CACNA2D1: variants seen among roughly 807,000 people sequenced by gnomAD.
CACNA2D1 encodes voltage-dependent calcium channel subunit alpha-2/delta-1.
Under a neutral mutation model 171.5 loss-of-function variants are expected in CACNA2D1, and 53 were observed. The ratio of observed to expected loss-of-function variants is 0.31; its 90% CI spans 0.25 to 0.39. The LOEUF (loss-of-function observed/expected upper bound fraction) is 0.39, where lower values mean the gene tolerates loss of function less well. CACNA2D1 is among the 10% of genes least tolerant of loss of function. The pLI is 1.00. For synonymous variants in CACNA2D1, 442 were observed against 443.1 expected (o/e 1.00, Z 0.03); for missense variants, 903 against 1,299.8 (o/e 0.69, Z 4.69).
chr7:82,093,051 C>T (rs1164396727), intron 6 of CACNA2D1, among the ~76,000 whole-genome samples: 1 of 151,646 alleles, frequency 6.6e-6, no homozygotes, highest in Non-Finnish European at 1.5e-5. Flanking sequence ...CTGGTGAGGC[C>T]TTTTTCTAAG....
chr7:82,234,239 T>C (rs1803287547), intron 3 of CACNA2D1, among the ~76,000 whole-genome samples: 1 of 152,102 alleles, frequency 6.6e-6, no homozygotes, highest in Non-Finnish European at 1.5e-5. Flanking sequence ...GTAATGAAAA[T>C]GTTAGGATTT....
At chr7:82,239,996 T>C (rs545516330) in intron 3 of CACNA2D1, among the ~76,000 whole-genome samples, 2 of 152,330 alleles carry the variant, frequency 1.3e-5, no homozygotes, top group South Asian at 4.1e-4. Flanking sequence ...CAATAAATAA[T>C]GTAGATGCTA....
chr7:82,363,232 C>T (rs1821277904), intron 1 of CACNA2D1, among the ~76,000 whole-genome samples: 1 of 138,366 alleles, frequency 7.2e-6, no homozygotes, highest in Admixed American at 7.0e-5. Context: ...CATCTGACTA[C>T]CATAGTTTTA....
intron 1 of CACNA2D1, among the ~76,000 whole-genome samples, chr7:82,351,284 T>C (rs1029884464): frequency 6.6e-5 from 10 of 151,374 alleles, no homozygotes; most frequent in African/African-American, 2.2e-4. Context: ...GTAGTATAAA[T>C]ATATATTTTT....
At chr7:82,161,070 T>G (rs750975033) in intron 4 of CACNA2D1, among the ~76,000 whole-genome samples, 22 of 152,028 alleles carry the variant, frequency 1.4e-4, no homozygotes, top group Non-Finnish European at 1.0e-4. Context: ...CTAGGTTTGA[T>G]GGGCAAGTAG....
chr7:82,172,187 TTGTACCACA>T (rs1796087290), intron 3 of CACNA2D1, among the ~76,000 whole-genome samples: 2 of 152,082 alleles, frequency 1.3e-5, no homozygotes, highest in South Asian at 4.1e-4. Context: ...ATGTTAGAAA[TTGTACCACA>T]TAGAGTAACC....
chr7:82,233,029 C>T (rs528552463), intron 3 of CACNA2D1, among the ~76,000 whole-genome samples: 62 of 151,996 alleles, frequency 4.1e-4, no homozygotes, highest in African/African-American at 1.4e-3. Flanking sequence ...CGTGTCCAAA[C>T]GTTGAAAATC....
intron 1 of CACNA2D1, among the ~76,000 whole-genome samples, chr7:82,441,791 C>A (rs933442606): frequency 1.3e-5 from 2 of 152,046 alleles, no homozygotes; most frequent in African/African-American, 2.4e-5. Context: ...TTTTAAAGAG[C>A]CACTTATTTA....
intron 10 of CACNA2D1, among the ~76,000 whole-genome samples, chr7:82,049,531 TTAGTA>T (rs1414865267): frequency 6.6e-6 from 1 of 152,198 alleles, no homozygotes; most frequent in Non-Finnish European, 1.5e-5. Context: ...AGGTACCTCT[TTAGTA>T]TACTGATTTC....
intron 3 of CACNA2D1, among the ~76,000 whole-genome samples, chr7:82,195,282 C>T (rs932742318): frequency 2.6e-5 from 4 of 151,710 alleles, no homozygotes; most frequent in Admixed American, 1.3e-4. Flanking sequence ...AGTGGTGTGC[C>T]GTAGAACACA....
At chr7:82,233,463 A>AT (rs545640328) in intron 3 of CACNA2D1, among the ~76,000 whole-genome samples, 17 of 151,708 alleles carry the variant, frequency 1.1e-4, no homozygotes, top group Admixed American at 2.0e-4. Context: ...GCCTTCACAG[A>AT]TTTTTTTTTC....
At chr7:82,440,077 A>G (rs975874443) in intron 1 of CACNA2D1, among the ~76,000 whole-genome samples, 2 of 151,910 alleles carry the variant, frequency 1.3e-5, no homozygotes, top group African/African-American at 4.8e-5. Flanking sequence ...AATTAAAGCC[A>G]AAAGTACTAT....
intron 3 of CACNA2D1, among the ~76,000 whole-genome samples, chr7:82,274,458 T>A (rs1809055275): frequency 6.6e-6 from 1 of 152,182 alleles, no homozygotes; most frequent in South Asian, 2.1e-4. Context: ...CATGAAACGT[T>A]TTCTTAATAA....
At chr7:82,176,706 C>A (rs529938833) in intron 3 of CACNA2D1, among the ~76,000 whole-genome samples, 2 of 151,544 alleles carry the variant, frequency 1.3e-5, no homozygotes, top group African/African-American at 4.8e-5. Context: ...ATTTCTAGGA[C>A]AAGAAGCCTA....
intron 7 of CACNA2D1, among the ~76,000 whole-genome samples, chr7:82,077,113 G>A (rs1394251039): frequency 6.6e-6 from 1 of 152,118 alleles, no homozygotes. Flanking sequence ...AGATGTATAA[G>A]TTGACTACCT....
chr7:82,141,531 G>A (rs946389381), intron 4 of CACNA2D1, among the ~76,000 whole-genome samples: 4 of 152,020 alleles, frequency 2.6e-5, no homozygotes, highest in Non-Finnish European at 4.4e-5. Context: ...ACAATCGGGG[G>A]AGCCACACCA....
chr7:82,400,017 T>C (rs958677386), intron 1 of CACNA2D1, among the ~76,000 whole-genome samples: 1 of 151,928 alleles, frequency 6.6e-6, no homozygotes, highest in South Asian at 2.1e-4. Context: ...GTTGTAGATA[T>C]GCGGCGTTAT....
intron 3 of CACNA2D1, among the ~76,000 whole-genome samples, chr7:82,279,236 G>A (rs1809761152): frequency 6.6e-6 from 1 of 152,210 alleles, no homozygotes. Context: ...AAAGTATGTG[G>A]ATAGAGGGTT....
intron 3 of CACNA2D1, among the ~76,000 whole-genome samples, chr7:82,220,346 C>T (rs535721319): frequency 6.6e-6 from 1 of 152,122 alleles, no homozygotes; most frequent in South Asian, 2.1e-4. Context: ...AAATTCGCTG[C>T]TTGGGTTTAG....
Sources: gnomAD v4.1 joint callset for allele counts (sites outside exome capture counted in the v4.1 genomes callset) on GRCh38, gnomAD v4.1.1 for gene constraint, MANE v1.5 for transcripts, NCBI Gene and HGNC (gene_info 2026-07-23, HGNC 2026-07-21) for gene names.